Variants in GATAD2B observed in about 807,000 individuals in gnomAD.
The protein encoded by GATAD2B is GATA zinc finger domain containing 2B.
Under a neutral mutation model 64.3 loss-of-function variants are expected in GATAD2B, and 8 were observed. The ratio of observed to expected loss-of-function variants is 0.12; its 90% CI spans 0.07 to 0.22. GATAD2B has a LOEUF of 0.22. GATAD2B is among the 10% of genes least tolerant of loss of function. The pLI is 1.00. For synonymous variants in GATAD2B, 281 were observed against 271.3 expected, an observed-to-expected ratio of 1.04 and a Z score of -0.35; for missense variants, 453 against 752.0, an observed-to-expected ratio of 0.60 and a Z score of 4.65.
intron 2 of GATAD2B, among the ~76,000 whole-genome samples, chr1:153,826,640 C>T (rs1437721237): frequency 6.6e-6 from 1 of 151,300 alleles, no homozygotes; most frequent in Non-Finnish European, 1.5e-5. Flanking sequence ...CACACACACA[C>T]ACACAACTTG....
At chr1:153,870,202 C>T (rs1413140902) in intron 1 of GATAD2B, among the ~76,000 whole-genome samples, 2 of 152,044 alleles carry the variant, frequency 1.3e-5, no homozygotes, top group East Asian at 1.9e-4. Context: ...CCACCTGCCT[C>T]GGCCTCCAAA....
At position 153,828,217 on chromosome 1, in the gene GATAD2B, T is replaced by G. The variant is rs766714544; in HGVS notation, c.131A>C (p.Lys44Thr). Residue 44 changes from lysine to threonine, a missense_variant, in exon 2 of 11, where the codon AAA (lysine) becomes ACA (threonine). This residue lies in a region of GATAD2B where 293 missense variants were observed against 417.2 expected (regional missense o/e 0.70). Transcript: ENST00000368655. ...MEGHEAMERL[K>T]MLALLKRKDL... ...CTTCCTTTTGAGCAATGCCAACATTTTCAGACGTTCCATGGCCTCATGCCC... is the reference window on the plus strand; with the variant it reads ...CTTCCTTTTGAGCAATGCCAACATTGTCAGACGTTCCATGGCCTCATGCCC... The G allele has an allele frequency of 6.2e-7, 1 of 1,614,202 alleles. No homozygotes were observed. The highest frequency in any genetic ancestry group is 1.1e-5 in the South Asian group (1 of 91,086).
At chr1:153,908,435 G>A (rs1332677909) in intron 1 of GATAD2B, among the ~76,000 whole-genome samples, 8 of 151,828 alleles carry the variant, frequency 5.3e-5, no homozygotes, top group South Asian at 4.2e-4. Flanking sequence ...CTAACTAAAC[G>A]GTGGAGCAGA....
At chr1:153,907,700 G>A (rs7547692) in intron 1 of GATAD2B, among the ~76,000 whole-genome samples, 3,185 of 149,370 alleles carry the variant, frequency 0.021, 119 homozygotes, top group African/African-American at 0.074. Context: ...ATGCAGTGGC[G>A]TGAGCTCGGC....
chr1:153,816,214 T>C lies in GATAD2B; in HGVS notation c.1216+59A>G, dbSNP rs774316659. On this transcript the variant is annotated intron_variant, in intron 7 of 10. Coordinates refer to ENST00000368655, the MANE Select transcript of GATAD2B (RefSeq NM_020699.4). This position sits in a 1 kb window ranked among gnomAD's most constrained non-coding sequence, Gnocchi z 4.9. ...ACAGTACCCTCTGATACTCTGCCTA[T>C]GTCAATCAGGCTTGGCAACCACTTG... is the stretch of plus-strand genomic sequence containing the variant. 24 of 1,098,216 alleles carry C rather than the reference T, an allele frequency of 2.2e-5. No homozygotes were observed. The highest frequency in any genetic ancestry group is 3.2e-5 in the Non-Finnish European group (23 of 721,692). The allele number at this position is 1,098,216 out of a possible 1,614,324, so 68.0% of individuals were successfully genotyped here.
chr1:153,818,837 T>C lies in GATAD2B; in HGVS notation c.551A>G (p.Lys184Arg). 1 of 1,613,790 alleles carries C rather than the reference T, an allele frequency of 6.2e-7. No homozygotes were observed. Among genetic ancestry groups the C allele is most frequent in the Non-Finnish European group, 8.5e-7 (1 of 1,179,968 alleles). ...CTGTAGCTGACTCTGTCTCAGTTTCTTTAACAGGACCAGTCGGGCTTCTTC... is the reference window on the plus strand; with the variant it reads ...CTGTAGCTGACTCTGTCTCAGTTTCCTTAACAGGACCAGTCGGGCTTCTTC... The part of the protein sequence containing the change: ...RLEEARLVLL[K>R]KLRQSQLQKE... The change falls in exon 4 of 11, where the codon AAG becomes AGG. Residue 184 changes from lysine (K) to arginine (R), a missense_variant. By Grantham distance (26) the Lys-to-Arg change is conservative (BLOSUM62 2). Transcript: ENST00000368655.
At chr1:153,894,018 T>C (rs2101952927) in intron 1 of GATAD2B, among the ~76,000 whole-genome samples, 1 of 138,320 alleles carries the variant, frequency 7.2e-6, no homozygotes, top group Middle Eastern at 4.2e-3. Flanking sequence ...GGAACCACTA[T>C]ATTAAACACC....
intron 1 of GATAD2B, among the ~76,000 whole-genome samples, chr1:153,848,649 T>A (rs1019694186): frequency 1.3e-5 from 2 of 152,176 alleles, no homozygotes; most frequent in African/African-American, 4.8e-5. Context: ...GCCTAACATC[T>A]CCATTTGGGT....
chr1:153,842,320 C>A (rs1486519475), intron 1 of GATAD2B, among the ~76,000 whole-genome samples: 1 of 152,120 alleles, frequency 6.6e-6, no homozygotes, highest in South Asian at 2.1e-4. Flanking sequence ...GAGCTCTTTG[C>A]TGTTCCTTTT....
At chr1:153,823,402 T>C (rs1340672987) in intron 2 of GATAD2B, among the ~76,000 whole-genome samples, 1 of 152,250 alleles carries the variant, frequency 6.6e-6, no homozygotes, top group Non-Finnish European at 1.5e-5. Context: ...GTTTCATACA[T>C]ACCTTATTTC....
At chr1:153,840,271 G>C (rs1675432858) in intron 1 of GATAD2B, among the ~76,000 whole-genome samples, 1 of 151,636 alleles carries the variant, frequency 6.6e-6, no homozygotes, top group Admixed American at 6.6e-5. Context: ...CTGACCTCAG[G>C]TGATCCACCT....
intron 1 of GATAD2B, among the ~76,000 whole-genome samples, chr1:153,892,662 T>C (rs2101951260): frequency 6.6e-6 from 1 of 151,724 alleles, no homozygotes; most frequent in African/African-American, 2.4e-5. Flanking sequence ...GGCCCAACAT[T>C]AGACAGTATC....
chr1:153,874,471 C>T (rs2101933064), intron 1 of GATAD2B, among the ~76,000 whole-genome samples: 1 of 152,236 alleles, frequency 6.6e-6, no homozygotes, highest in African/African-American at 2.4e-5. Context: ...AATAGACCCT[C>T]CCTTCTTCAA....
Position 153,806,889 on chromosome 1 carries a change from C to T in GATAD2B, c.*3288G>A, listed in dbSNP as rs202015857. 3 of 152,042 alleles carry T rather than the reference C, an allele frequency of 2.0e-5. No homozygotes were observed. The East Asian group carries it at 5.8e-4, about 29-fold the overall frequency. The allele number at this position is 152,042 out of a possible 1,614,324, so 9.4% of individuals were successfully genotyped here. A position where few individuals can be genotyped will look rare whatever the true frequency, so the allele number is the denominator to read the frequency against. On this transcript the variant is annotated 3_prime_UTR_variant, in exon 11 of 11. Transcript: ENST00000368655. ...GCATCTTTACAAAGCAGTTCTATAGCTAATTCCTTTTAAAGGGGAAAGGAA... is the reference window on the plus strand; with the variant it reads ...GCATCTTTACAAAGCAGTTCTATAGTTAATTCCTTTTAAAGGGGAAAGGAA...
intron 1 of GATAD2B, among the ~76,000 whole-genome samples, chr1:153,850,006 T>C (rs1248306666): frequency 1.3e-5 from 2 of 152,180 alleles, no homozygotes; most frequent in Non-Finnish European, 2.9e-5. Flanking sequence ...TGAGAGGTAG[T>C]GTATCTGTGA....
chr1:153,815,293 C>CAAAAAAAAAAAAAAAAAAAA (rs71093285), intron 7 of GATAD2B, among the ~76,000 whole-genome samples: 2 of 111,842 alleles, frequency 1.8e-5, no homozygotes, highest in South Asian at 2.9e-4. Context: ...AAAAAAAAAA[C>CAAAAAAAAAAAAAAAAAAAA]AAAAAAAAAA....
chr1:153,839,671 T>TA (rs1461074623), intron 1 of GATAD2B, among the ~76,000 whole-genome samples: 1 of 152,122 alleles, frequency 6.6e-6, no homozygotes. Context: ...AAAGTAAGTT[T>TA]AAAAAACTGT....
chr1:153,893,083 G>A (rs1677471874), intron 1 of GATAD2B, among the ~76,000 whole-genome samples: 1 of 152,136 alleles, frequency 6.6e-6, no homozygotes, highest in African/African-American at 2.4e-5. Context: ...CACAGTACAA[G>A]AGGAAAAACT....
At chr1:153,819,519 A>T in intron 3 of GATAD2B, 87 bp downstream of exon 3, 1 of 962,194 alleles carries the variant, frequency 1.0e-6, no homozygotes, top group Non-Finnish European at 1.6e-6. Flanking sequence ...AAGAGTAAAT[A>T]GTCAAAAAAC....
Sources: gnomAD v4.1 joint callset for allele counts (sites outside exome capture counted in the v4.1 genomes callset) on GRCh38, gnomAD v4.1.1 for gene constraint, gnomAD v4.1.1 regional missense constraint, Gnocchi (gnomAD v3.1) non-coding constraint, MANE v1.5 for transcripts, NCBI Gene and HGNC (gene_info 2026-07-23, HGNC 2026-07-21) for gene names.